Variants in PBLD observed in about 807,000 individuals in gnomAD.
PBLD encodes phenazine biosynthesis-like domain-containing protein.
A neutral mutation model predicts 31.3 loss-of-function variants in PBLD; 26 were observed. That is an observed-to-expected ratio of 0.83 (90% CI 0.61 to 1.15). PBLD has a LOEUF of 1.15. Ranked by LOEUF, PBLD falls within the 50% of genes most tolerant of loss-of-function variation. PBLD has a pLI of 0.00. For missense variants in PBLD, 307 were observed against 351.7 expected (o/e 0.87, Z 1.02); for synonymous variants, 114 against 129.0 (o/e 0.88, Z 0.79).
intron 1 of PBLD, among the ~76,000 whole-genome samples, chr10:68,328,704 G>A (rs887237546): frequency 1.3e-5 from 2 of 152,100 alleles, no homozygotes. Flanking sequence ...GATAGGTCTG[G>A]AAACAATTCT....
chr10:68,284,199 A>T lies in PBLD; in HGVS notation c.845T>A (p.Leu282Ter), dbSNP rs138516892. 1 of 1,613,934 alleles carries T rather than the reference A, an allele frequency of 6.2e-7. No homozygotes were observed. The highest frequency in any genetic ancestry group is 1.3e-5 in the African/African-American group (1 of 74,924). ...VDIRGGAAVV[L>*]EGTLTA ...CCTCTAGGCTGTCAGTGTGCCCTCT[A>T]AAACAACAGCTGCACCTCCTCTAAT... The change falls in exon 10 of 10, where the codon TTA becomes TAA. Residue 282 changes from leucine to a stop codon, truncating the protein, a stop_gained. Coordinates refer to ENST00000358769, the MANE Select transcript of PBLD (RefSeq NM_022129.4). LOFTEE classifies it high-confidence loss of function.
intron 2 of PBLD, among the ~76,000 whole-genome samples, chr10:68,299,706 A>T (rs1589655841): frequency 6.6e-6 from 1 of 151,906 alleles, no homozygotes; most frequent in African/African-American, 2.4e-5. Context: ...AAATACAAAA[A>T]TTAGCCAGGA....
intron 2 of PBLD, among the ~76,000 whole-genome samples, 183 bp downstream of exon 2, chr10:68,306,578 A>G (rs2044581968): frequency 6.6e-6 from 1 of 152,236 alleles, no homozygotes; most frequent in African/African-American, 2.4e-5. Flanking sequence ...TACCCAAGGC[A>G]TAGGCATTTT....
intron 6 of PBLD, among the ~76,000 whole-genome samples, 177 bp from the exon 7 acceptor site, chr10:68,289,196 A>C (rs1371253898): frequency 6.6e-6 from 1 of 152,152 alleles, no homozygotes; most frequent in Admixed American, 6.5e-5. Flanking sequence ...AAGGATGGTC[A>C]GTCTCCTGGC....
chr10:68,288,675 A>G lies in PBLD; in HGVS notation c.513-14T>C, dbSNP rs753456337. ...TCCAGAAACGACCTTGTTCATAAACAAGATGGATTAGGACAAACCCATTTC... is the reference window on the plus strand; with the variant it reads ...TCCAGAAACGACCTTGTTCATAAACGAGATGGATTAGGACAAACCCATTTC... On this transcript the variant is annotated splice_polypyrimidine_tract_variant and intron_variant, in intron 7 of 9. Coordinates refer to ENST00000358769, the MANE Select transcript of PBLD (RefSeq NM_022129.4). The G allele has an allele frequency of 3.1e-6, 5 of 1,612,638 alleles. No homozygotes were observed. In the Admixed American group the frequency reaches 8.3e-5, roughly 27 times the overall value.
intron 1 of PBLD, chr10:68,331,493 G>GC (rs1564743734): frequency 2.6e-5 from 4 of 152,380 alleles, no homozygotes; most frequent in Admixed American, 2.6e-4. Flanking sequence ...GCAACTCTGG[G>GC]CCAGGGGAAG....
At chr10:68,330,384 C>G (rs749012357) in intron 1 of PBLD, among the ~76,000 whole-genome samples, 35 of 152,176 alleles carry the variant, frequency 2.3e-4, no homozygotes, top group Admixed American at 1.4e-3. Context: ...CACCCTACCC[C>G]CAACAGGCTT....
chr10:68,290,891 C>G (rs548029130), intron 6 of PBLD, among the ~76,000 whole-genome samples: 1 of 152,302 alleles, frequency 6.6e-6, no homozygotes, highest in East Asian at 1.9e-4. Flanking sequence ...GTTTTTTCCA[C>G]TTTCTTACCA....
intron 1 of PBLD, among the ~76,000 whole-genome samples, chr10:68,315,404 G>A (rs1241068757): frequency 1.3e-5 from 2 of 151,906 alleles, no homozygotes; most frequent in African/African-American, 4.8e-5. Context: ...GGCCAACATG[G>A]TGAAACCCTG....
chr10:68,283,013 C>G lies in PBLD; in HGVS notation c.*1164G>C, dbSNP rs1178680941. ...AGAATTCCTTTTACATTATCATTCT[C>G]AAGCCATATATCAAGAAAAAGATTG... On this transcript the variant is annotated 3_prime_UTR_variant, in exon 10 of 10. Coordinates refer to ENST00000358769, the MANE Select transcript of PBLD (RefSeq NM_022129.4). 2 of 151,382 alleles carry G rather than the reference C, an allele frequency of 1.3e-5. No homozygotes were observed. Among genetic ancestry groups the G allele is most frequent in the Non-Finnish European group, 2.9e-5 (2 of 67,910 alleles). 9.4% of individuals were successfully genotyped at this position (151,382 alleles called of 1,614,324 possible).
chr10:68,292,091 T>C, intron 5 of PBLD, 38 bp downstream of exon 5: 1 of 1,601,482 alleles, frequency 6.2e-7, no homozygotes, highest in African/African-American at 1.3e-5. Context: ...GAGCTGTCGG[T>C]TGTAGATGGC....
intron 2 of PBLD, among the ~76,000 whole-genome samples, chr10:68,303,301 G>A (rs927151217): frequency 1.2e-4 from 19 of 152,022 alleles, no homozygotes; most frequent in African/African-American, 4.6e-4. Flanking sequence ...GGCCAGGGTG[G>A]TCTCAAACTC....
chr10:68,332,261 G>A (rs1268537892), intron 1 of PBLD: 7 of 152,304 alleles, frequency 4.6e-5, no homozygotes, highest in Non-Finnish European at 8.8e-5. Context: ...GGTTTCGAGA[G>A]CGGAGTCGGG....
Position 68,292,231 on chromosome 10 carries a change from C to T in PBLD, c.291G>A (p.Met97Ile). The part of the protein sequence containing the change: ...AAVLFHKIKN[M>I]NSTLTFVTLS... ...GAGTGACAAACGTGAGCGTGCTATT[C>T]ATGTTTTCTGGCCAAAATAGGAATC... Residue 97 changes from methionine to isoleucine, a missense_variant, in exon 5 of 10, where the codon ATG becomes ATA. Coordinates refer to ENST00000358769, the MANE Select transcript of PBLD (RefSeq NM_022129.4). The T allele has an allele frequency of 6.2e-7, 1 of 1,613,130 alleles. No individual in the cohort carries two copies. Among genetic ancestry groups the T allele is most frequent in the Non-Finnish European group, 8.5e-7 (1 of 1,179,916 alleles).
chr10:68,304,530 TA>T (rs1346629414), intron 2 of PBLD, among the ~76,000 whole-genome samples: 3 of 152,124 alleles, frequency 2.0e-5, no homozygotes, highest in African/African-American at 4.8e-5. Flanking sequence ...AATATATAAT[TA>T]ACATACAAAA....
chr10:68,299,320 A>T (rs1216635013), intron 2 of PBLD, among the ~76,000 whole-genome samples: 2 of 152,090 alleles, frequency 1.3e-5, no homozygotes, highest in Non-Finnish European at 2.9e-5. Context: ...ATTTTAAAGA[A>T]ATTTCAAGAC....
At chr10:68,321,023 C>T (rs1184747633) in intron 1 of PBLD, among the ~76,000 whole-genome samples, 2 of 151,876 alleles carry the variant, frequency 1.3e-5, no homozygotes, top group African/African-American at 4.8e-5. Flanking sequence ...AGTTTCACCA[C>T]ATTGGCCAGA....
intron 1 of PBLD, among the ~76,000 whole-genome samples, chr10:68,328,775 T>C (rs574912160): frequency 7.6e-4 from 115 of 152,036 alleles, no homozygotes; most frequent in African/African-American, 2.6e-3. Flanking sequence ...AGGATTCAAC[T>C]TGCAAATGAG....
intron 7 of PBLD, 31 bp from the exon 8 acceptor site, chr10:68,288,692 A>T: frequency 1.2e-6 from 2 of 1,603,692 alleles, no homozygotes; most frequent in Non-Finnish European, 1.7e-6. Flanking sequence ...ATTAGGACAA[A>T]CCCATTTCAC....
Sources: allele counts gnomAD v4.1 joint callset (sites outside exome capture counted in the v4.1 genomes callset), GRCh38; gene constraint gnomAD v4.1.1; transcripts MANE v1.5; gene names NCBI Gene and HGNC (gene_info 2026-07-23, HGNC 2026-07-21).